The following NPAS3 variants were observed in gnomAD, a reference collection of about 807,000 sequenced individuals.
The protein encoded by NPAS3 is neuronal PAS domain-containing protein 3.
NPAS3 carries 14 observed loss-of-function variants against 73.1 expected under a neutral mutation model. The observed-to-expected ratio is 0.19, with a 90% CI of 0.13 to 0.30. NPAS3 has a LOEUF of 0.30. Among genes scored for constraint, NPAS3 ranks in the 10% least tolerant of loss-of-function variants. The pLI, the probability that NPAS3 is intolerant of heterozygous loss-of-function variation, is 1.00. For synonymous variants in NPAS3, 620 were observed against 541.5 expected, an observed-to-expected ratio of 1.14 and a Z score of -2.01; for missense variants, 1,096 against 1,250.0, an observed-to-expected ratio of 0.88 and a Z score of 1.86.
chr14:33,046,268 G>A (rs911833951), intron 1 of NPAS3, among the ~76,000 whole-genome samples: 1 of 152,146 alleles, frequency 6.6e-6, no homozygotes, highest in Non-Finnish European at 1.5e-5. Context: ...GATGAGCAAA[G>A]GGTAGGTATG....
rs2054732104 is a variant in NPAS3, at chr14:33,544,808, A to ATATGTATATATAATATATATGTG, written c.469-15309_469-15287dup. Among the ~76,000 whole-genome samples, 2 of 89,520 alleles carry ATATGTATATATAATATATATGTG rather than the reference A, an allele frequency of 2.2e-5. 1 individual carries two copies. The highest frequency in any genetic ancestry group is 4.1e-5 in the Non-Finnish European group (2 of 49,306). The allele number at this position is 89,520 out of a possible 152,430, so 58.7% of individuals were successfully genotyped here. A position where few individuals can be genotyped will look rare whatever the true frequency, so the allele number is the denominator to read the frequency against. ...GTGTATTATATATATATATATATAT[A>ATATGTATATATAATATATATGTG]TATGTATATATAATATATATGTGTA... On this transcript the variant is annotated intron_variant, in intron 4 of 11. Transcript: ENST00000356141.
intron 2 of NPAS3, among the ~76,000 whole-genome samples, chr14:33,057,075 A>AG (rs11413528): frequency 0.34 from 52,283 of 151,970 alleles, 10,217 homozygotes; most frequent in African/African-American, 0.54. Context: ...ATTTTTAAAA[A>AG]ATCAGAAATT....
chr14:33,561,497 C>T (rs2055647789), intron 5 of NPAS3, among the ~76,000 whole-genome samples: 1 of 152,152 alleles, frequency 6.6e-6, no homozygotes, highest in Admixed American at 6.5e-5. Context: ...CTTTAGCAAA[C>T]CAAATGATAG....
intron 4 of NPAS3, among the ~76,000 whole-genome samples, chr14:33,435,769 C>G (rs1190475616): frequency 6.6e-6 from 1 of 152,058 alleles, no homozygotes; most frequent in Non-Finnish European, 1.5e-5. Context: ...ATGTCCTGTC[C>G]CTTTCGATGT....
intron 7 of NPAS3, among the ~76,000 whole-genome samples, chr14:33,772,176 T>TA (rs2062675444): frequency 6.6e-6 from 1 of 152,212 alleles, no homozygotes; most frequent in Admixed American, 6.5e-5. Flanking sequence ...GACGTAATAA[T>TA]AAAATGTGTA....
intron 10 of NPAS3, among the ~76,000 whole-genome samples, chr14:33,795,019 G>T (rs2063471358): frequency 6.6e-6 from 1 of 152,208 alleles, no homozygotes; most frequent in African/African-American, 2.4e-5. Flanking sequence ...TGATAATTTA[G>T]ACAGGGAGTA....
intron 5 of NPAS3, among the ~76,000 whole-genome samples, chr14:33,600,424 A>C (rs2057366580): frequency 6.6e-6 from 1 of 152,136 alleles, no homozygotes; most frequent in Admixed American, 6.5e-5. Flanking sequence ...CCCCTTAACC[A>C]GTTTTCTCCT....
rs141760868 is a variant in NPAS3 at position 33,152,929 on chromosome 14, C to T, written c.141-62253C>T. 7.4e-3 allele frequency among the ~76,000 whole-genome samples: 1,110 copies of T among 150,502 alleles called. 6 individuals are homozygous for T. The highest frequency in any genetic ancestry group is 0.014 in the South Asian group (67 of 4,692). On this transcript the variant is annotated intron_variant, in intron 2 of 11. Coordinates refer to ENST00000356141, the Ensembl canonical transcript of NPAS3. ...TGTCCCCATTTTGGTGCTCTGGTTT[C>T]GATATTGGAATTTTTTGATGATTTT...
chr14:33,022,798 A>G (rs2039657684), intron 1 of NPAS3, among the ~76,000 whole-genome samples: 2 of 152,142 alleles, frequency 1.3e-5, no homozygotes, highest in South Asian at 4.1e-4. Flanking sequence ...AGGATAAATA[A>G]TATATTTTAC....
At chr14:33,379,597 C>CA (rs2140472839) in intron 4 of NPAS3, among the ~76,000 whole-genome samples, 1 of 152,220 alleles carries the variant, frequency 6.6e-6, no homozygotes, top group East Asian at 1.9e-4. Context: ...ATCTTGGACC[C>CA]AAAACTCAGT....
intron 2 of NPAS3, among the ~76,000 whole-genome samples, chr14:33,101,352 G>A (rs1232866132): frequency 6.6e-6 from 1 of 152,014 alleles, no homozygotes; most frequent in Non-Finnish European, 1.5e-5. Context: ...ATATAATTTA[G>A]GGGAAAAAAG....
chr14:33,284,806 ATCTATC>A (rs1566758214), intron 3 of NPAS3, among the ~76,000 whole-genome samples: 16 of 142,512 alleles, frequency 1.1e-4, no homozygotes, highest in Admixed American at 2.9e-4. Flanking sequence ...CTATCTATCT[ATCTATC>A]TATATAATCT....
chr14:33,305,871 A>G (rs538114806), intron 3 of NPAS3, among the ~76,000 whole-genome samples: 1 of 152,310 alleles, frequency 6.6e-6, no homozygotes, highest in Non-Finnish European at 1.5e-5. Context: ...AACTTTTACC[A>G]CTTCTTCTAT....
chr14:33,528,278 G>A (rs1000581717), intron 4 of NPAS3, among the ~76,000 whole-genome samples: 1 of 151,876 alleles, frequency 6.6e-6, no homozygotes, highest in African/African-American at 2.4e-5. Context: ...TTGCTACCAA[G>A]CTGCACATTC....
chr14:33,514,744 T>A (rs1319948986), intron 4 of NPAS3, among the ~76,000 whole-genome samples: 1 of 152,082 alleles, frequency 6.6e-6, no homozygotes, highest in East Asian at 1.9e-4. Flanking sequence ...AAGATTGAAC[T>A]GACATACCTG....
intron 1 of NPAS3, among the ~76,000 whole-genome samples, chr14:33,040,021 C>G (rs1190657469): frequency 6.6e-6 from 1 of 152,144 alleles, no homozygotes; most frequent in East Asian, 1.9e-4. Context: ...TACAAGGCCT[C>G]CCTCAAGAAA....
intron 4 of NPAS3, among the ~76,000 whole-genome samples, chr14:33,408,241 T>A (rs1185878365): frequency 6.6e-6 from 1 of 152,136 alleles, no homozygotes; most frequent in Non-Finnish European, 1.5e-5. Flanking sequence ...CAGGTCTTTA[T>A]GACTATACAT....
chr14:33,062,618 A>C (rs1295015683), intron 2 of NPAS3, among the ~76,000 whole-genome samples: 1 of 152,238 alleles, frequency 6.6e-6, no homozygotes, highest in African/African-American at 2.4e-5. Flanking sequence ...TTTAAAAAAT[A>C]ATTGGTTGGT....
At chr14:33,658,870 C>T (rs543280208) in intron 5 of NPAS3, among the ~76,000 whole-genome samples, 105 of 152,130 alleles carry the variant, frequency 6.9e-4, no homozygotes, top group African/African-American at 2.4e-3. Flanking sequence ...ATGGCTATGC[C>T]GTACGTTTGA....
Sources: gnomAD v4.1 joint callset for allele counts (sites outside exome capture counted in the v4.1 genomes callset) on GRCh38, gnomAD v4.1.1 for gene constraint, MANE v1.5 for transcripts, NCBI Gene and HGNC (gene_info 2026-07-23, HGNC 2026-07-21) for gene names.